The following NELL2 variants were observed in gnomAD, a reference collection of about 807,000 sequenced individuals.
The protein encoded by NELL2 is neural EGFL like 2.
In NELL2, 41 loss-of-function variants were observed where a neutral mutation model predicts 109.6. The observed-to-expected ratio is 0.37, with a 90% CI of 0.29 to 0.49. The LOEUF (loss-of-function observed/expected upper bound fraction) is 0.49. Ranked by LOEUF, NELL2 falls within the 20% of genes least tolerant of loss-of-function variation. NELL2 has a pLI of 0.98. For synonymous variants in NELL2, 355 were observed against 344.7 expected (o/e 1.03, Z -0.33); for missense variants, 900 against 1,008.3 (o/e 0.89, Z 1.45).
chr12:44,604,274 TGAGA>T (rs1344677593), intron 15 of NELL2, among the ~76,000 whole-genome samples: 2 of 144,434 alleles, frequency 1.4e-5, no homozygotes, highest in Admixed American at 6.9e-5. Context: ...GAGGAAGGAG[TGAGA>T]GAAAGGGGAA....
intron 15 of NELL2, among the ~76,000 whole-genome samples, chr12:44,568,527 T>C (rs937352635): frequency 6.6e-6 from 1 of 152,060 alleles, no homozygotes; most frequent in Non-Finnish European, 1.5e-5. Flanking sequence ...ATATCATCAC[T>C]ATAATGTTTA....
At chr12:44,570,506 T>G (rs1411960950) in intron 15 of NELL2, among the ~76,000 whole-genome samples, 1 of 152,220 alleles carries the variant, frequency 6.6e-6, no homozygotes, top group Non-Finnish European at 1.5e-5. Context: ...TTAAGCATGA[T>G]AAATTGGATG....
chr12:44,813,071 T>C (rs1164496871), intron 3 of NELL2, among the ~76,000 whole-genome samples: 2 of 152,310 alleles, frequency 1.3e-5, no homozygotes, highest in African/African-American at 4.8e-5. Flanking sequence ...GCACTCTATA[T>C]GGATTTACAG....
At chr12:44,598,883 A>ACACACACTCT (rs1265603008) in intron 15 of NELL2, among the ~76,000 whole-genome samples, 5 of 143,940 alleles carry the variant, frequency 3.5e-5, no homozygotes, top group African/African-American at 1.3e-4. Context: ...ACACACACAC[A>ACACACACTCT]CTCTCTCTCT....
chr12:44,839,529 T>C (rs537197403), intron 2 of NELL2, among the ~76,000 whole-genome samples: 1 of 152,362 alleles, frequency 6.6e-6, no homozygotes, highest in Non-Finnish European at 1.5e-5. Flanking sequence ...AATTTTGCAC[T>C]ATCCTAAGAA....
At position 44,599,110 on chromosome 12, in the gene NELL2, C is replaced by A. The variant is rs188945604; in HGVS notation, c.1663+8059G>T. 5.8e-4 allele frequency among the ~76,000 whole-genome samples: 88 copies of A among 152,128 alleles called. No homozygotes were observed. The South Asian group carries it at 9.8e-3, about 17-fold the overall frequency. Reference sequence around the variant, plus strand: ...CATTGTAATACCCCTGCTACACCTGCGGAAACAAATGTAAATTTTCCCTGG... The same window carrying A: ...CATTGTAATACCCCTGCTACACCTGAGGAAACAAATGTAAATTTTCCCTGG... On this transcript the variant is annotated intron_variant, in intron 15 of 19. Transcript: ENST00000429094.
intron 9 of NELL2, among the ~76,000 whole-genome samples, chr12:44,724,813 A>AG (rs58909403): frequency 0.043 from 6,406 of 149,314 alleles, 485 homozygotes; most frequent in African/African-American, 0.15. Context: ...GGCAATCCTA[A>AG]GGGGAAAAAA....
At chr12:44,511,781 G>A (rs892326045) in intron 19 of NELL2, among the ~76,000 whole-genome samples, 8 of 152,094 alleles carry the variant, frequency 5.3e-5, no homozygotes, top group South Asian at 4.1e-4. Context: ...AACAGTTTAA[G>A]TTTTCCTTAG....
chr12:44,837,421 G>C (rs537799612), intron 2 of NELL2, among the ~76,000 whole-genome samples: 1 of 152,108 alleles, frequency 6.6e-6, no homozygotes, highest in Admixed American at 6.5e-5. Context: ...CAAAACTGCC[G>C]GCAGGTTGAG....
intron 3 of NELL2, among the ~76,000 whole-genome samples, chr12:44,786,352 C>T (rs575604973): frequency 3.5e-4 from 53 of 152,080 alleles, no homozygotes; most frequent in African/African-American, 9.9e-4. Context: ...GTTAGAATGG[C>T]GATCATTAAA....
At chr12:44,818,698 A>G (rs1162793501) in intron 2 of NELL2, among the ~76,000 whole-genome samples, 1 of 146,798 alleles carries the variant, frequency 6.8e-6, no homozygotes, top group African/African-American at 2.5e-5. Flanking sequence ...TTGTGAACAG[A>G]GCTGAGAGGC....
At chr12:44,723,351 T>G (rs1038041992) in intron 9 of NELL2, among the ~76,000 whole-genome samples, 3 of 152,206 alleles carry the variant, frequency 2.0e-5, no homozygotes, top group Non-Finnish European at 4.4e-5. Flanking sequence ...AAAAATAAAA[T>G]TAACATTTGA....
chr12:44,617,920 A>G (rs565469818), intron 13 of NELL2, among the ~76,000 whole-genome samples: 1 of 152,160 alleles, frequency 6.6e-6, no homozygotes, highest in Non-Finnish European at 1.5e-5. Context: ...TCTCCTCACA[A>G]TCTTTTCTGA....
upstream of NELL2, chr12:44,880,836 CTTG>C (rs35774965): frequency 0.27 from 40,200 of 150,750 alleles, 5,657 homozygotes; most frequent in Admixed American, 0.35. Context: ...TTGTTTTGTT[CTTG>C]TTGTTGTTGT....
chr12:44,694,651 G>C (rs1043580929), intron 12 of NELL2, among the ~76,000 whole-genome samples: 2 of 151,008 alleles, frequency 1.3e-5, no homozygotes, highest in Non-Finnish European at 2.9e-5. Flanking sequence ...ATACCACAGA[G>C]AGTGCATCAT....
intron 11 of NELL2, among the ~76,000 whole-genome samples, chr12:44,710,805 C>A (rs1938154100): frequency 6.6e-6 from 1 of 151,964 alleles, no homozygotes; most frequent in Non-Finnish European, 1.5e-5. Context: ...TCTCAGTAGT[C>A]CAGAAACCTA....
At chr12:44,901,681 C>T (rs1214084591) in intron 1 of NELL2, among the ~76,000 whole-genome samples, 1 of 152,158 alleles carries the variant, frequency 6.6e-6, no homozygotes, top group African/African-American at 2.4e-5. Flanking sequence ...AATCCAGCAG[C>T]ACATCAAAAG....
At chr12:44,802,866 G>C (rs1448594411) in intron 3 of NELL2, among the ~76,000 whole-genome samples, 3 of 152,010 alleles carry the variant, frequency 2.0e-5, no homozygotes, top group Non-Finnish European at 4.4e-5. Flanking sequence ...AGGTGGGCAT[G>C]GTCAAGGGAT....
At chr12:44,844,074 G>A (rs576794910) in intron 2 of NELL2, among the ~76,000 whole-genome samples, 9 of 152,254 alleles carry the variant, frequency 5.9e-5, no homozygotes, top group African/African-American at 2.2e-4. Context: ...CTGGAGGGAT[G>A]GAATGCTGTG....
Sources: allele counts gnomAD v4.1 joint callset (sites outside exome capture counted in the v4.1 genomes callset), GRCh38; gene constraint gnomAD v4.1.1; transcripts MANE v1.5; gene names NCBI Gene and HGNC (gene_info 2026-07-23, HGNC 2026-07-21).